The following GABRB1 variants were observed in gnomAD, a reference collection of about 807,000 sequenced individuals.
The protein encoded by GABRB1 is gamma-aminobutyric acid receptor subunit beta-1.
Under a neutral mutation model 51.6 loss-of-function variants are expected in GABRB1, and 17 were observed. The observed-to-expected ratio is 0.33, with a 90% confidence interval of 0.23 to 0.49. GABRB1 has a LOEUF of 0.49. GABRB1 is among the 20% of genes least tolerant of loss of function. The probability of loss-of-function intolerance (pLI) is 0.99; values close to 1 mark genes in which losing one functional copy is unlikely to be tolerated. For synonymous variants in GABRB1, 247 were observed against 218.9 expected, an observed-to-expected ratio of 1.13 and a Z score of -1.14; for missense variants, 410 against 600.6, an observed-to-expected ratio of 0.68 and a Z score of 3.32.
chr4:47,426,219 T>C lies in GABRB1; in HGVS notation c.*201T>C. The C allele has an allele frequency of 2.3e-6, 1 of 441,702 alleles. No homozygotes were observed. The highest frequency in any genetic ancestry group is 3.6e-5 in the East Asian group (1 of 27,708). The allele number at this position is 441,702 out of a possible 1,614,324, so 27.4% of individuals were successfully genotyped here. A position where few individuals can be genotyped will look rare whatever the true frequency, so the allele number is the denominator to read the frequency against. On this transcript the variant is annotated 3_prime_UTR_variant, in exon 9 of 9. Transcript: ENST00000295454. ...CAAAAAAAAAATTATTTTTCCAGTCTACCGTGGTCCAGGTTATCAGCTCTT... is the reference window on the plus strand; with the variant it reads ...CAAAAAAAAAATTATTTTTCCAGTCCACCGTGGTCCAGGTTATCAGCTCTT...
chr4:47,246,325 CACACAT>C (rs1173745082), intron 4 of GABRB1, among the ~76,000 whole-genome samples: 2 of 76,864 alleles, frequency 2.6e-5, no homozygotes, highest in Non-Finnish European at 5.3e-5. Flanking sequence ...CACACACACA[CACACAT>C]ATGTACATAT....
upstream of GABRB1, among the ~76,000 whole-genome samples, chr4:47,028,753 C>A (rs1270273014): frequency 6.7e-6 from 1 of 149,864 alleles, no homozygotes; most frequent in Non-Finnish European, 1.5e-5. Context: ...CACACAAACA[C>A]ACACCCCGAC....
At position 47,243,970 on chromosome 4, in the gene GABRB1, A is replaced by G. The variant is rs183513936; in HGVS notation, c.462-76157A>G. 1.2e-4 allele frequency among the ~76,000 whole-genome samples: 19 copies of G among 152,320 alleles called. No individual in the cohort carries two copies. In the East Asian group the frequency reaches 3.7e-3, roughly 29 times the overall value. The stretch of plus-strand genomic sequence containing the variant: ...CATCCCTGTCTTGTGCCAGTTTTCA[A>G]AGGGAATGCTTCCAGTTTTTGCCCA... On this transcript the variant is annotated intron_variant, in intron 4 of 8. Transcript: ENST00000295454.
chr4:47,230,656 A>T (rs1721109197), intron 4 of GABRB1, among the ~76,000 whole-genome samples: 1 of 152,170 alleles, frequency 6.6e-6, no homozygotes, highest in Non-Finnish European at 1.5e-5. Context: ...TCTCTTATGG[A>T]TCTCTATCTT....
At chr4:47,162,821 T>C (rs888121246) in intron 4 of GABRB1, among the ~76,000 whole-genome samples, 1 of 152,078 alleles carries the variant, frequency 6.6e-6, no homozygotes, top group Non-Finnish European at 1.5e-5. Flanking sequence ...ACCCAGTTCT[T>C]TGTAGCTTGT....
At chr4:47,351,760 T>G (rs1360827586) in intron 5 of GABRB1, among the ~76,000 whole-genome samples, 2 of 151,708 alleles carry the variant, frequency 1.3e-5, no homozygotes, top group Admixed American at 6.6e-5. Flanking sequence ...TATGGCTGCA[T>G]AGTATTCCAT....
intron 4 of GABRB1, among the ~76,000 whole-genome samples, chr4:47,317,841 C>T (rs532720247): frequency 1.3e-5 from 2 of 151,916 alleles, no homozygotes; most frequent in African/African-American, 4.8e-5. Context: ...CTCAAAAATA[C>T]TCTGATATAT....
At chr4:47,254,027 G>T (rs759700583) in intron 4 of GABRB1, among the ~76,000 whole-genome samples, 2 of 152,054 alleles carry the variant, frequency 1.3e-5, no homozygotes, top group African/African-American at 2.4e-5. Context: ...CTGACAATAT[G>T]GGCATTGTAC....
intron 8 of GABRB1, among the ~76,000 whole-genome samples, chr4:47,417,626 A>T (rs1728973291): frequency 6.6e-6 from 1 of 152,222 alleles, no homozygotes; most frequent in Non-Finnish European, 1.5e-5. Context: ...AGCCATTCGC[A>T]CTAGTTGGCT....
intron 4 of GABRB1, among the ~76,000 whole-genome samples, chr4:47,221,007 A>C (rs4481218): frequency 0.34 from 50,915 of 151,880 alleles, 8,840 homozygotes; most frequent in African/African-American, 0.35. Flanking sequence ...TTGATGTAAC[A>C]ATTGCACTAG....
chr4:47,390,663 T>C (rs1023883829), intron 5 of GABRB1, among the ~76,000 whole-genome samples: 5 of 152,194 alleles, frequency 3.3e-5, no homozygotes, highest in Admixed American at 2.6e-4. Context: ...ATCCTTGGTA[T>C]CCAAGTGTTC....
intron 5 of GABRB1, among the ~76,000 whole-genome samples, chr4:47,341,642 A>G (rs1347934976): frequency 6.6e-6 from 1 of 152,174 alleles, no homozygotes; most frequent in Non-Finnish European, 1.5e-5. Context: ...GATATATGAG[A>G]AATTATAGAA....
chr4:47,008,241 T>C (rs1335253909), intron 1 of GABRB1, among the ~76,000 whole-genome samples: 5 of 152,096 alleles, frequency 3.3e-5, no homozygotes, highest in Non-Finnish European at 7.4e-5. Flanking sequence ...AAACTAGAGA[T>C]GATCATTGTG....
chr4:47,252,637 A>G (rs1055582832), intron 4 of GABRB1, among the ~76,000 whole-genome samples: 22 of 150,216 alleles, frequency 1.5e-4, no homozygotes, highest in African/African-American at 5.4e-4. Flanking sequence ...CCTCCCAAGT[A>G]GCTGGGGTTA....
chr4:47,148,544 A>G (rs573038956), intron 3 of GABRB1, among the ~76,000 whole-genome samples: 14 of 152,164 alleles, frequency 9.2e-5, no homozygotes, highest in African/African-American at 2.6e-4. Context: ...ATAACTAATG[A>G]TTAATGAGGT....
chr4:47,135,886 C>T (rs1484972307), intron 3 of GABRB1, among the ~76,000 whole-genome samples: 2 of 152,118 alleles, frequency 1.3e-5, no homozygotes, highest in Non-Finnish European at 2.9e-5. Flanking sequence ...TTTCACCCTT[C>T]TAAAAATACT....
chr4:47,156,739 G>C (rs538581810), intron 3 of GABRB1, among the ~76,000 whole-genome samples: 25 of 151,912 alleles, frequency 1.6e-4, no homozygotes, highest in African/African-American at 3.9e-4. Flanking sequence ...GGGACCGAGG[G>C]GGGGCAGATC....
intron 4 of GABRB1, among the ~76,000 whole-genome samples, chr4:47,310,061 T>G (rs1337040404): frequency 6.6e-6 from 1 of 152,042 alleles, no homozygotes; most frequent in Non-Finnish European, 1.5e-5. Flanking sequence ...TAAACCTAGG[T>G]TGAGGCACAT....
intron 3 of GABRB1, among the ~76,000 whole-genome samples, chr4:47,078,587 A>G (rs1002490529): frequency 6.6e-6 from 1 of 152,010 alleles, no homozygotes. Flanking sequence ...TTTCCTTCCT[A>G]TGTGTCATTT....
Sources: allele counts gnomAD v4.1 joint callset (sites outside exome capture counted in the v4.1 genomes callset), GRCh38; gene constraint gnomAD v4.1.1; transcripts MANE v1.5; gene names NCBI Gene and HGNC (gene_info 2026-07-23, HGNC 2026-07-21).